The following IL1RAPL2 variants were observed in gnomAD, a reference collection of about 807,000 sequenced individuals.
IL1RAPL2 encodes X-linked interleukin-1 receptor accessory protein-like 2.
In IL1RAPL2, 3 loss-of-function variants were observed where a neutral mutation model predicts 44.1. The ratio of observed to expected loss-of-function variants is 0.07; its 90% CI spans 0.03 to 0.18. IL1RAPL2 has a LOEUF of 0.18. IL1RAPL2 is among the 10% of genes least tolerant of loss of function. The pLI is 1.00. For missense variants in IL1RAPL2, 391 were observed against 496.4 expected (o/e 0.79, Z 2.02); for synonymous variants, 181 against 178.8 (o/e 1.01, Z -0.10).
At chrX:105,491,962 T>C (rs1216354145) in intron 6 of IL1RAPL2, among the ~76,000 whole-genome samples, 1 of 112,192 alleles carries the variant, frequency 8.9e-6, no homozygotes, top group Admixed American at 9.5e-5. Context: ...GCATGATTGT[T>C]AACCAGTCCT....
intron 5 of IL1RAPL2, among the ~76,000 whole-genome samples, chrX:105,283,660 T>G (rs2034549272): frequency 9.0e-6 from 1 of 111,144 alleles, no homozygotes; most frequent in African/African-American, 3.3e-5. Context: ...ACAAAAGTTC[T>G]GTTTTGGCCA....
At chrX:104,686,351 A>T (rs1930987210) in intron 2 of IL1RAPL2, among the ~76,000 whole-genome samples, 1 of 112,309 alleles carries the variant, frequency 8.9e-6, no homozygotes. Context: ...ACATACAAAT[A>T]CTGGCCTTAT....
intron 1 of IL1RAPL2, among the ~76,000 whole-genome samples, chrX:104,568,799 C>A (rs1293396335): frequency 9.0e-6 from 1 of 111,586 alleles, no homozygotes; most frequent in African/African-American, 3.3e-5. Flanking sequence ...TGCCTATCTT[C>A]GCCACTTGCA....
Position 105,062,739 on chromosome X carries a change from C to G in IL1RAPL2, c.83-132736C>G, listed in dbSNP as rs141239687. On this transcript the variant is annotated intron_variant, in intron 2 of 10. Transcript: ENST00000372582. Reference sequence around the variant, plus strand: ...TAAAAGTATTTTTTTTCCTTCAGCACTTTAAATACATCATGCCACTCTCGC... The same window carrying G: ...TAAAAGTATTTTTTTTCCTTCAGCAGTTTAAATACATCATGCCACTCTCGC... Among the ~76,000 whole-genome samples the G allele has an allele frequency of 3.7e-3, 411 of 111,457 alleles. 5 individuals are homozygous for G. Among genetic ancestry groups the G allele is most frequent in the African/African-American group, 0.013 (393 of 30,740 alleles).
At chrX:105,757,021 T>C (rs753092320) in intron 10 of IL1RAPL2, among the ~76,000 whole-genome samples, 9 of 111,798 alleles carry the variant, frequency 8.1e-5, no homozygotes, top group African/African-American at 2.9e-4. Flanking sequence ...ATGTCACTTC[T>C]GTGTTCAACA....
intron 2 of IL1RAPL2, among the ~76,000 whole-genome samples, chrX:104,939,700 C>A (rs1482197476): frequency 1.8e-5 from 2 of 111,640 alleles, no homozygotes; most frequent in Non-Finnish European, 3.8e-5. Context: ...ATCCAAGTGT[C>A]TATCAACAGA....
intron 5 of IL1RAPL2, among the ~76,000 whole-genome samples, chrX:105,326,980 T>C (rs2034943783): frequency 9.0e-6 from 1 of 111,596 alleles, no homozygotes; most frequent in African/African-American, 3.3e-5. Flanking sequence ...ACTGTGAGAG[T>C]CATCATAACA....
chrX:104,846,943 G>A (rs1212007211), intron 2 of IL1RAPL2, among the ~76,000 whole-genome samples: 1 of 112,126 alleles, frequency 8.9e-6, no homozygotes, highest in Non-Finnish European at 1.9e-5. Flanking sequence ...TTCTCTGATG[G>A]CCAGTGATGA....
intron 2 of IL1RAPL2, among the ~76,000 whole-genome samples, chrX:104,742,886 A>G (rs1041669559): frequency 8.0e-5 from 9 of 111,934 alleles, no homozygotes; most frequent in Non-Finnish European, 1.9e-5. Flanking sequence ...AGACAAGTAG[A>G]GAATATGGAA....
intron 6 of IL1RAPL2, among the ~76,000 whole-genome samples, chrX:105,638,325 A>G (rs1360244113): frequency 9.2e-6 from 1 of 109,023 alleles, no homozygotes; most frequent in Admixed American, 9.8e-5. Context: ...GTTTGGGCAG[A>G]TGGGTTGTTC....
At chrX:105,277,016 T>G (rs2034491957) in intron 5 of IL1RAPL2, among the ~76,000 whole-genome samples, 1 of 111,030 alleles carries the variant, frequency 9.0e-6, no homozygotes, top group Admixed American at 9.6e-5. Flanking sequence ...CTTAGAAAAG[T>G]GAGTGATTTA....
intron 2 of IL1RAPL2, among the ~76,000 whole-genome samples, chrX:105,024,386 T>C (rs999238666): frequency 6.3e-5 from 7 of 111,564 alleles, no homozygotes; most frequent in African/African-American, 1.9e-4. Flanking sequence ...CTTTATATCA[T>C]ATGTATACAA....
intron 6 of IL1RAPL2, among the ~76,000 whole-genome samples, chrX:105,621,922 C>T (rs931182410): frequency 1.8e-5 from 2 of 110,318 alleles, no homozygotes; most frequent in African/African-American, 6.6e-5. Context: ...GGTAATGCTA[C>T]GAAGATACAT....
intron 2 of IL1RAPL2, among the ~76,000 whole-genome samples, chrX:105,099,770 C>T (rs939359232): frequency 9.1e-6 from 1 of 110,255 alleles, no homozygotes; most frequent in Non-Finnish European, 1.9e-5. Context: ...CCGGCCGCCA[C>T]ACACTTTTAA....
At chrX:104,805,406 G>A (rs1932915467) in intron 2 of IL1RAPL2, among the ~76,000 whole-genome samples, 1 of 112,049 alleles carries the variant, frequency 8.9e-6, no homozygotes, top group African/African-American at 3.2e-5. Context: ...AGACCTTCAA[G>A]GGTAGGGGCA....
chrX:105,049,026 C>T (rs1418168686), intron 2 of IL1RAPL2, among the ~76,000 whole-genome samples: 1 of 111,852 alleles, frequency 8.9e-6, no homozygotes, highest in African/African-American at 3.2e-5. Context: ...ATTCCAAAAT[C>T]CCCTTTTGCC....
intron 2 of IL1RAPL2, among the ~76,000 whole-genome samples, chrX:104,917,445 A>T (rs1287017351): frequency 8.9e-6 from 1 of 111,900 alleles, no homozygotes; most frequent in Non-Finnish European, 1.9e-5. Context: ...AAATGAAACT[A>T]GGAGTTTCTC....
At chrX:105,210,132 C>T (rs2033796745) in intron 3 of IL1RAPL2, among the ~76,000 whole-genome samples, 1 of 111,510 alleles carries the variant, frequency 9.0e-6, no homozygotes, top group African/African-American at 3.3e-5. Flanking sequence ...CTAACAGACA[C>T]AAAGGCAGGA....
Position 105,616,644 on chromosome X carries a change from G to A in IL1RAPL2, c.773-100723G>A, listed in dbSNP as rs181889070. On this transcript the variant is annotated intron_variant, in intron 6 of 10. Coordinates refer to ENST00000372582, the MANE Select transcript of IL1RAPL2 (RefSeq NM_017416.2). ...TATTGGGTGATTTTCTTTTTATTAT[G>A]TTGAAGGGGTTTGTTATGTATACTT... Among the ~76,000 whole-genome samples the A allele has an allele frequency of 4.7e-3, 519 of 110,892 alleles. 1 individual carries two copies. The highest frequency in any genetic ancestry group is 0.019 in the Middle Eastern group (4 of 215).
Sources: gnomAD v4.1 joint callset for allele counts (sites outside exome capture counted in the v4.1 genomes callset) on GRCh38, gnomAD v4.1.1 for gene constraint, MANE v1.5 for transcripts, NCBI Gene and HGNC (gene_info 2026-07-23, HGNC 2026-07-21) for gene names.